CNBD1: variants seen among roughly 807,000 people sequenced by gnomAD.
CNBD1 encodes the protein cyclic nucleotide binding domain containing 1, also known as cyclic nucleotide-binding domain-containing protein 1.
CNBD1 carries 71 observed loss-of-function variants against 54.4 expected under a neutral mutation model. The observed-to-expected ratio is 1.30, with a 90% CI of 1.08 to 1.59. The LOEUF (loss-of-function observed/expected upper bound fraction) is 1.59, where lower values mean the gene tolerates loss of function less well. CNBD1 is among the 40% of genes most tolerant of loss of function. The probability of loss-of-function intolerance (pLI) is 0.00; values close to 1 mark genes in which losing one functional copy is unlikely to be tolerated. For missense variants in CNBD1, 659 were observed against 518.0 expected (o/e 1.27, Z -2.64); for synonymous variants, 182 against 170.7 (o/e 1.07, Z -0.51).
At chr8:87,358,063 A>G (rs975528881) in intron 10 of CNBD1, among the ~76,000 whole-genome samples, 1 of 152,092 alleles carries the variant, frequency 6.6e-6, no homozygotes, top group African/African-American at 2.4e-5. Context: ...TCCACCATGA[A>G]CAAAAGATTC....
rs572896076 is a variant in CNBD1, at chr8:87,306,459, G to A, written c.1042+19788G>A. 7.4e-4 allele frequency among the ~76,000 whole-genome samples: 113 copies of A among 152,270 alleles called. 1 individual carries two copies. The highest frequency in any genetic ancestry group is 2.6e-3 in the African/African-American group (107 of 41,572). On this transcript the variant is annotated intron_variant, in intron 8 of 10. Transcript: ENST00000518476. ...AGATATTTGCACACGCATGTTTGTA[G>A]CAGCATGATTCACAATTGCAAAATC...
At chr8:87,208,378 TTACTA>T (rs1286392477) in intron 5 of CNBD1, among the ~76,000 whole-genome samples, 9 of 151,950 alleles carry the variant, frequency 5.9e-5, no homozygotes, top group Non-Finnish European at 1.0e-4. Context: ...CAAAAAATGA[TTACTA>T]TATTATTATA....
At chr8:87,367,698 C>A (rs1465419813) in intron 10 of CNBD1, among the ~76,000 whole-genome samples, 1 of 152,104 alleles carries the variant, frequency 6.6e-6, no homozygotes, top group Non-Finnish European at 1.5e-5. Context: ...GAGAAATATG[C>A]ATTTAATAGC....
chr8:86,896,583 T>C (rs1315877533), intron 2 of CNBD1, among the ~76,000 whole-genome samples: 1 of 152,184 alleles, frequency 6.6e-6, no homozygotes. Context: ...GATTGCTTTC[T>C]TGATTCCTTT....
chr8:87,373,927 G>T (rs779483110), intron 10 of CNBD1, among the ~76,000 whole-genome samples: 2 of 151,582 alleles, frequency 1.3e-5, no homozygotes, highest in Admixed American at 6.6e-5. Flanking sequence ...TTAAATATTT[G>T]TATTGCAAAA....
chr8:86,878,264 G>T (rs957263158), intron 1 of CNBD1, among the ~76,000 whole-genome samples: 1 of 151,990 alleles, frequency 6.6e-6, no homozygotes, highest in Admixed American at 6.6e-5. Flanking sequence ...TTGTGCTTAG[G>T]TTCCAGGATT....
chr8:87,276,049 C>G (rs962703557), intron 6 of CNBD1, among the ~76,000 whole-genome samples: 1 of 151,814 alleles, frequency 6.6e-6, no homozygotes, highest in Non-Finnish European at 1.5e-5. Flanking sequence ...AAATGATACA[C>G]ACATATGACA....
At chr8:87,080,903 T>G (rs946887005) in intron 4 of CNBD1, among the ~76,000 whole-genome samples, 7 of 152,110 alleles carry the variant, frequency 4.6e-5, no homozygotes, top group Non-Finnish European at 7.4e-5. Context: ...TTTCTCTCAT[T>G]CTTGATATCA....
downstream of CNBD1, among the ~76,000 whole-genome samples, chr8:87,384,206 G>A (rs892964875): frequency 4.1e-4 from 63 of 151,934 alleles, 1 homozygote; most frequent in African/African-American, 2.4e-5. Context: ...GCTAAATTTG[G>A]CTATTTTATC....
chr8:86,932,297 G>A (rs1387600944), intron 3 of CNBD1, among the ~76,000 whole-genome samples: 1 of 152,144 alleles, frequency 6.6e-6, no homozygotes, highest in South Asian at 2.1e-4. Context: ...GGGAGAAAGG[G>A]ACACGTATCC....
chr8:87,370,023 C>T (rs528184894), intron 10 of CNBD1, among the ~76,000 whole-genome samples: 3 of 151,860 alleles, frequency 2.0e-5, no homozygotes, highest in Admixed American at 1.3e-4. Context: ...TGATGATTTC[C>T]GATTTCATCC....
intron 10 of CNBD1, among the ~76,000 whole-genome samples, chr8:87,371,541 G>T (rs951820301): frequency 3.9e-5 from 6 of 152,020 alleles, no homozygotes; most frequent in Admixed American, 2.0e-4. Flanking sequence ...CCAAAAAAGA[G>T]AATTTTAGAC....
rs937247967 is a variant in CNBD1, at chr8:87,166,678, A to G, written c.432-39315A>G. 1.3e-5 allele frequency among the ~76,000 whole-genome samples: 2 copies of G among 151,500 alleles called. No homozygotes were observed. Among genetic ancestry groups the G allele is most frequent in the African/African-American group, 4.9e-5 (2 of 41,220 alleles). On this transcript the variant is annotated intron_variant, in intron 4 of 10. Transcript: ENST00000518476. The surrounding 1 kb of genome is among the most constrained non-coding windows in gnomAD (Gnocchi z 4.3). ...TCCTCTTTGTTCCTCAGGTTTTCTG[A>G]TATTTGCACATGTTTGTTTCTATTT...
chr8:87,370,807 C>T (rs1264121904), intron 10 of CNBD1, among the ~76,000 whole-genome samples: 1 of 149,392 alleles, frequency 6.7e-6, no homozygotes, highest in Non-Finnish European at 1.5e-5. Context: ...TTGCCCATGC[C>T]TATGTCCTGA....
intron 4 of CNBD1, among the ~76,000 whole-genome samples, chr8:87,099,885 G>A (rs1811394167): frequency 6.6e-6 from 1 of 152,174 alleles, no homozygotes; most frequent in Non-Finnish European, 1.5e-5. Context: ...AACTAGATTA[G>A]ATGGCATTGC....
In CNBD1 at chr8:87,329,773, C is replaced by G. The variant is rs527307740; in HGVS notation, c.1043-21912C>G. Among the ~76,000 whole-genome samples the G allele has an allele frequency of 5.9e-5, 9 of 151,636 alleles. 1 individual carries two copies. The South Asian group carries it at 1.9e-3, about 32-fold the overall frequency. On this transcript the variant is annotated intron_variant, in intron 8 of 10. Transcript: ENST00000518476. ...GTATCCGCAACCCTTATATATTATC[C>G]CTTATTAGTTCCAGGAAATTTTTCT...
intron 6 of CNBD1, among the ~76,000 whole-genome samples, chr8:87,241,551 C>T (rs907122063): frequency 3.3e-5 from 5 of 152,054 alleles, no homozygotes; most frequent in Non-Finnish European, 7.4e-5. Flanking sequence ...GGATTACAGG[C>T]GTGAGCCACT....
chr8:87,402,914 A>G (rs951537122), intron 2 of CNBD1, among the ~76,000 whole-genome samples: 5 of 152,088 alleles, frequency 3.3e-5, no homozygotes, highest in Non-Finnish European at 7.4e-5. Flanking sequence ...CTACTGCTGT[A>G]CAAGCACACA....
At chr8:87,229,341 T>C (rs894759685) in intron 5 of CNBD1, among the ~76,000 whole-genome samples, 2 of 152,220 alleles carry the variant, frequency 1.3e-5, no homozygotes, top group Non-Finnish European at 2.9e-5. Context: ...TTTTGAATAT[T>C]TGAATGAGGA....
Sources: gnomAD v4.1 joint callset for allele counts (sites outside exome capture counted in the v4.1 genomes callset) on GRCh38, gnomAD v4.1.1 for gene constraint, Gnocchi (gnomAD v3.1) non-coding constraint, MANE v1.5 for transcripts, NCBI Gene and HGNC (gene_info 2026-07-23, HGNC 2026-07-21) for gene names.